LAMA4: variants seen among roughly 807,000 people sequenced by gnomAD.
LAMA4 encodes the protein laminin subunit alpha-4.
A neutral mutation model predicts 207.1 loss-of-function variants in LAMA4; 127 were observed. The ratio of observed to expected loss-of-function variants is 0.61; its 90% confidence interval spans 0.53 to 0.71. The LOEUF (loss-of-function observed/expected upper bound fraction) is 0.71. LAMA4 is among the 30% of genes least tolerant of loss of function. The pLI, the probability that LAMA4 is intolerant of heterozygous loss-of-function variation, is 0.00. For synonymous variants in LAMA4, 761 were observed against 816.0 expected (o/e 0.93, Z 1.15); for missense variants, 2,093 against 2,246.5 (o/e 0.93, Z 1.38).
At chr6:112,156,252 A>T (rs184679815) in intron 14 of LAMA4, among the ~76,000 whole-genome samples, 5 of 151,956 alleles carry the variant, frequency 3.3e-5, no homozygotes, top group African/African-American at 1.2e-4. Flanking sequence ...CTGCCCTTTC[A>T]CACGATAGTC....
chr6:112,183,963 A>AAAG (rs1554345912), intron 9 of LAMA4, among the ~76,000 whole-genome samples: 2 of 151,548 alleles, frequency 1.3e-5, no homozygotes, highest in Non-Finnish European at 2.9e-5. Context: ...AAAAAAAAAA[A>AAAG]AAAAAAGAAA....
At chr6:112,241,161 G>T (rs1322974126) in intron 2 of LAMA4, among the ~76,000 whole-genome samples, 9 of 52,176 alleles carry the variant, frequency 1.7e-4, no homozygotes, top group African/African-American at 5.7e-4. Context: ...ATATATATAT[G>T]AATATATATG....
chr6:112,146,580 C>T (rs915445980), intron 18 of LAMA4, among the ~76,000 whole-genome samples: 1 of 151,266 alleles, frequency 6.6e-6, no homozygotes, highest in African/African-American at 2.4e-5. Context: ...GGCTCAGAGA[C>T]GAAATACTTT....
chr6:112,209,154 C>A (rs1784229779), intron 3 of LAMA4, among the ~76,000 whole-genome samples: 1 of 152,124 alleles, frequency 6.6e-6, no homozygotes, highest in Non-Finnish European at 1.5e-5. Flanking sequence ...TGAAACTAAG[C>A]CATAAACAAT....
rs374119904 is a variant in LAMA4, at chr6:112,191,667, A to G, written c.687T>C (p.Tyr229=). 6 of 1,613,828 alleles carry G rather than the reference A, an allele frequency of 3.7e-6. No individual in the cohort carries two copies. The African/African-American group carries it at 6.7e-5, about 18-fold the overall frequency. The part of the protein sequence containing the change: ...FKCERCAPGY[Y]GDARIAKNCA... ...AGTTCTTGGCTATCCTGGCGTCCCC[A>G]TAGTAGCCAGGAGCGCAACGTTCAC... Residue 229 remains tyrosine (Y), a synonymous_variant, in exon 6 of 39, where the codon TAT becomes TAC. Coordinates refer to ENST00000230538, the MANE Select transcript of LAMA4 (RefSeq NM_001105206.3).
intron 4 of LAMA4, among the ~76,000 whole-genome samples, chr6:112,205,433 A>G (rs1045095334): frequency 2.6e-5 from 4 of 151,956 alleles, no homozygotes; most frequent in African/African-American, 9.7e-5. Context: ...ATCTGAACCC[A>G]GGCTTCTTGA....
intron 38 of LAMA4, among the ~76,000 whole-genome samples, chr6:112,112,626 A>G (rs1777767856): frequency 6.6e-6 from 1 of 151,990 alleles, no homozygotes; most frequent in African/African-American, 2.4e-5. Context: ...CAGGGAGAGG[A>G]CTGGGGAATG....
chr6:112,119,441 TG>T, intron 33 of LAMA4, 130 bp from the exon 34 acceptor site: 1 of 983,034 alleles, frequency 1.0e-6, no homozygotes, highest in Non-Finnish European at 1.6e-6. Flanking sequence ...ATTTTTAAAA[TG>T]GCCCCATCTC....
chr6:112,166,654 T>A (rs1444552028), intron 12 of LAMA4, among the ~76,000 whole-genome samples: 1 of 152,182 alleles, frequency 6.6e-6, no homozygotes, highest in East Asian at 1.9e-4. Flanking sequence ...TTGCAGTAGA[T>A]GAAAAACAAT....
At chr6:112,247,244 G>C (rs1171174387) in intron 2 of LAMA4, among the ~76,000 whole-genome samples, 1 of 152,138 alleles carries the variant, frequency 6.6e-6, no homozygotes, top group Non-Finnish European at 1.5e-5. Context: ...TACAATCAAA[G>C]GAACTGAGTA....
chr6:112,224,171 T>C (rs1471359085), intron 2 of LAMA4, among the ~76,000 whole-genome samples: 1 of 152,250 alleles, frequency 6.6e-6, no homozygotes, highest in African/African-American at 2.4e-5. Flanking sequence ...TGCTTCAACC[T>C]GTGTTGGATG....
chr6:112,137,624 C>T (rs1015497662), intron 24 of LAMA4, among the ~76,000 whole-genome samples: 8 of 152,270 alleles, frequency 5.3e-5, no homozygotes, highest in Middle Eastern at 3.4e-3. Flanking sequence ...TTGCAGTTTA[C>T]GTGTGGCTAG....
intron 10 of LAMA4, 147 bp downstream of exon 10, chr6:112,177,974 A>G (rs1782120425): frequency 1.5e-6 from 1 of 651,796 alleles, no homozygotes; most frequent in Non-Finnish European, 2.8e-6. Context: ...CTTGAAATGA[A>G]GACCTTATAC....
intron 3 of LAMA4, among the ~76,000 whole-genome samples, chr6:112,211,677 T>C (rs528687783): frequency 6.6e-6 from 1 of 152,294 alleles, no homozygotes; most frequent in South Asian, 2.1e-4. Context: ...TGGAGAAGGC[T>C]TAATGGAGGT....
Position 112,150,752 on chromosome 6 carries a change from A to T in LAMA4, c.2057-125T>A, listed in dbSNP as rs180919902. 546 of 761,278 alleles carry T rather than the reference A, an allele frequency of 7.2e-4. 1 individual carries two copies. Among genetic ancestry groups the T allele is most frequent in the Non-Finnish European group, 9.4e-4 (398 of 421,192 alleles). The allele number at this position is 761,278 out of a possible 1,614,324, so 47.2% of individuals were successfully genotyped here. Reference sequence around the variant, plus strand: ...CTGCAGTATTTGCAGTATTCTGAATACTCTGAACATAGATCAACAATTCTG... The same window carrying T: ...CTGCAGTATTTGCAGTATTCTGAATTCTCTGAACATAGATCAACAATTCTG... On this transcript the variant is annotated intron_variant, in intron 16 of 38. Transcript: ENST00000230538.
At chr6:112,166,915 G>A (rs971404) in intron 12 of LAMA4, among the ~76,000 whole-genome samples, 63,743 of 151,938 alleles carry the variant, frequency 0.42, 15,385 homozygotes, top group Middle Eastern at 0.67. Context: ...AACAGCAACA[G>A]CAACAAAAAC....
At chr6:112,206,501 A>T (rs73542539) in intron 4 of LAMA4, among the ~76,000 whole-genome samples, 8,326 of 152,120 alleles carry the variant, frequency 0.055, 714 homozygotes, top group African/African-American at 0.19. Flanking sequence ...TCCTTTAACT[A>T]CTCATTCAGG....
chr6:112,203,900 T>TA, intron 4 of LAMA4, among the ~76,000 whole-genome samples: 1 of 152,188 alleles, frequency 6.6e-6, no homozygotes, highest in Non-Finnish European at 1.5e-5. Context: ...TCTAAGTCCC[T>TA]TCAGTGCTCC....
At position 112,189,181 on chromosome 6, in the gene LAMA4, C is replaced by T; in HGVS notation, c.743G>A (p.Cys248Tyr). 1 of 1,614,072 alleles carries T rather than the reference C, an allele frequency of 6.2e-7. No homozygotes were observed. The highest frequency in any genetic ancestry group is 8.5e-7 in the Non-Finnish European group (1 of 1,179,936). Residue 248 changes from cysteine (C) to tyrosine (Y), a missense_variant, in exon 7 of 39, where the codon TGT becomes TAT. By Grantham distance (194) the Cys-to-Tyr change is radical. Transcript: ENST00000230538. ...CAAGCATTCTCCGGTTACACTGTCA[C>T]ATGGGCCTCCCCCGCAGTTGCACAC... ...CAVCNCGGGP[C>Y]DSVTGECLEE...
Sources: allele counts gnomAD v4.1 joint callset (sites outside exome capture counted in the v4.1 genomes callset), GRCh38; gene constraint gnomAD v4.1.1; transcripts MANE v1.5; gene names NCBI Gene and HGNC (gene_info 2026-07-23, HGNC 2026-07-21).